Variants in CD2AP observed in about 807,000 individuals in gnomAD.
CD2AP encodes CD2 associated protein, also known as CD2-associated protein.
In CD2AP, 46 loss-of-function variants were observed where a neutral mutation model predicts 85.1. The ratio of observed to expected loss-of-function variants is 0.54; its 90% CI spans 0.43 to 0.69. The LOEUF (loss-of-function observed/expected upper bound fraction) is 0.69, where lower values mean the gene tolerates loss of function less well. Ranked by LOEUF, CD2AP falls within the 30% of genes least tolerant of loss-of-function variation. The probability of loss-of-function intolerance (pLI) is 0.00; values close to 1 mark genes in which losing one functional copy is unlikely to be tolerated. For synonymous variants in CD2AP, 255 were observed against 252.9 expected (o/e 1.01, Z -0.08); for missense variants, 769 against 729.5 (o/e 1.05, Z -0.62).
At chr6:47,602,789 G>A (rs571219380) in intron 13 of CD2AP, among the ~76,000 whole-genome samples, 1 of 151,818 alleles carries the variant, frequency 6.6e-6, no homozygotes, top group Admixed American at 6.6e-5. Context: ...GTAGCTACTA[G>A]GGAGGGAGGC....
At chr6:47,481,122 C>T (rs950198632) in intron 1 of CD2AP, among the ~76,000 whole-genome samples, 2 of 152,040 alleles carry the variant, frequency 1.3e-5, no homozygotes, top group East Asian at 1.9e-4. Flanking sequence ...AAATACAGAT[C>T]GGCATTTTGG....
intron 1 of CD2AP, among the ~76,000 whole-genome samples, chr6:47,487,524 A>G (rs937703021): frequency 2.6e-5 from 4 of 152,126 alleles, no homozygotes; most frequent in African/African-American, 9.7e-5. Flanking sequence ...CCCCGTCTCT[A>G]CTAAAAATAC....
intron 2 of CD2AP, among the ~76,000 whole-genome samples, chr6:47,520,216 C>T (rs1766550136): frequency 6.6e-6 from 1 of 151,890 alleles, no homozygotes; most frequent in Non-Finnish European, 1.5e-5. Flanking sequence ...ATCTCTGGGG[C>T]CTCGTTATTA....
Position 47,541,893 on chromosome 6 carries a change from T to C in CD2AP, c.320-2713T>C, listed in dbSNP as rs9395274. 5.9e-5 allele frequency among the ~76,000 whole-genome samples: 9 copies of C among 152,360 alleles called. No individual in the cohort carries two copies. The East Asian group carries it at 1.7e-3, about 29-fold the overall frequency. ...AAGAGTTTATTTGGAGATCATGATTTGATGCAGTGAAATTCTTCCTGTCCA... is the reference window on the plus strand; with the variant it reads ...AAGAGTTTATTTGGAGATCATGATTCGATGCAGTGAAATTCTTCCTGTCCA... On this transcript the variant is annotated intron_variant, in intron 3 of 17. Coordinates refer to ENST00000359314, the MANE Select transcript of CD2AP (RefSeq NM_012120.3).
intron 1 of CD2AP, among the ~76,000 whole-genome samples, chr6:47,480,953 G>A (rs1181882338): frequency 6.6e-6 from 1 of 152,178 alleles, no homozygotes; most frequent in Non-Finnish European, 1.5e-5. Flanking sequence ...TCTTAAGTGG[G>A]ATGACTACTA....
intron 16 of CD2AP, among the ~76,000 whole-genome samples, chr6:47,612,230 G>A (rs1161562404): frequency 5.9e-5 from 9 of 151,992 alleles, no homozygotes; most frequent in East Asian, 3.9e-4. Context: ...TTCTGTCTTC[G>A]TGAGCTGCTC....
intron 6 of CD2AP, among the ~76,000 whole-genome samples, chr6:47,576,066 A>AT (rs1324921358): frequency 1.3e-5 from 2 of 151,992 alleles, no homozygotes; most frequent in Non-Finnish European, 2.9e-5. Flanking sequence ...GTTTTTATTT[A>AT]TTGTATTTGT....
At chr6:47,568,474 G>T (rs1768062396) in intron 5 of CD2AP, among the ~76,000 whole-genome samples, 1 of 152,156 alleles carries the variant, frequency 6.6e-6, no homozygotes, top group Non-Finnish European at 1.5e-5. Flanking sequence ...GGGCGCGGTG[G>T]CTTATGCCTG....
chr6:47,599,501 T>G, intron 13 of CD2AP, 58 bp downstream of exon 13: 1 of 1,442,724 alleles, frequency 6.9e-7, no homozygotes, highest in Non-Finnish European at 9.6e-7. Context: ...AAAGAAACTC[T>G]TTAAGAGATA....
intron 13 of CD2AP, among the ~76,000 whole-genome samples, chr6:47,601,103 G>A (rs1396868496): frequency 6.6e-6 from 1 of 151,408 alleles, no homozygotes; most frequent in Non-Finnish European, 1.5e-5. Context: ...TTCCTATATA[G>A]TGTCACAACA....
chr6:47,568,713 C>T (rs1320187751), intron 5 of CD2AP, among the ~76,000 whole-genome samples: 2 of 151,598 alleles, frequency 1.3e-5, no homozygotes, highest in African/African-American at 2.4e-5. Context: ...CATTGCACTC[C>T]AGCCTGGGTG....
intron 2 of CD2AP, among the ~76,000 whole-genome samples, chr6:47,512,700 T>G (rs962640868): frequency 7.2e-5 from 11 of 152,390 alleles, no homozygotes; most frequent in African/African-American, 2.6e-4. Context: ...GCCATCTTGC[T>G]TAAGTGTTAC....
intron 17 of CD2AP, among the ~76,000 whole-genome samples, chr6:47,615,801 ATTT>A (rs1769566918): frequency 4.8e-5 from 7 of 145,458 alleles, no homozygotes; most frequent in South Asian, 2.2e-4. Context: ...TAATTTATTT[ATTT>A]ATTTATTTAT....
At chr6:47,513,816 G>A (rs1766380290) in intron 2 of CD2AP, among the ~76,000 whole-genome samples, 2 of 148,574 alleles carry the variant, frequency 1.3e-5, no homozygotes. Context: ...ACTAGATGTT[G>A]TCTGATTTCT....
chr6:47,503,886 C>A (rs940881301), intron 2 of CD2AP, among the ~76,000 whole-genome samples: 1 of 152,214 alleles, frequency 6.6e-6, no homozygotes, highest in African/African-American at 2.4e-5. Context: ...TTAGCTAAGA[C>A]AAGAGACTTT....
chr6:47,584,932 G>C (rs553776171), intron 11 of CD2AP, among the ~76,000 whole-genome samples: 125 of 152,096 alleles, frequency 8.2e-4, no homozygotes, highest in African/African-American at 2.9e-3. Flanking sequence ...TCACCAGTTA[G>C]TCAGCAGTTT....
chr6:47,499,938 A>G (rs1765958192), intron 1 of CD2AP, among the ~76,000 whole-genome samples: 1 of 152,166 alleles, frequency 6.6e-6, no homozygotes, highest in Non-Finnish European at 1.5e-5. Context: ...CATATTGGCC[A>G]GGCTGGTCTC....
At chr6:47,552,733 T>G (rs1767562088) in intron 4 of CD2AP, among the ~76,000 whole-genome samples, 1 of 152,154 alleles carries the variant, frequency 6.6e-6, no homozygotes, top group Non-Finnish European at 1.5e-5. Context: ...CCGTTTGTTG[T>G]ATTTATTCTA....
chr6:47,572,340 C>T (rs1045972351), intron 5 of CD2AP, among the ~76,000 whole-genome samples: 3 of 152,168 alleles, frequency 2.0e-5, no homozygotes, highest in Non-Finnish European at 4.4e-5. Context: ...CATGGTGCGA[C>T]ATTTGTCAAA....
Sources: allele counts gnomAD v4.1 joint callset (sites outside exome capture counted in the v4.1 genomes callset), GRCh38; gene constraint gnomAD v4.1.1; transcripts MANE v1.5; gene names NCBI Gene and HGNC (gene_info 2026-07-23, HGNC 2026-07-21).